USH2A: variants seen among roughly 807,000 people sequenced by gnomAD.
USH2A encodes Usher syndrome 2A (autosomal recessive, mild).
Under a neutral mutation model 538.9 loss-of-function variants are expected in USH2A, and 443 were observed. The ratio of observed to expected loss-of-function variants is 0.82; its 90% CI spans 0.76 to 0.89. The LOEUF (loss-of-function observed/expected upper bound fraction) is 0.89. USH2A is among the 40% of genes least tolerant of loss of function. The pLI, the probability that USH2A is intolerant of heterozygous loss-of-function variation, is 0.00. For synonymous variants in USH2A, 2,413 were observed against 2,273.5 expected (o/e 1.06, Z -1.75); for missense variants, 6,633 against 6,324.8 (o/e 1.05, Z -1.65).
At chr1:216,243,382 T>G (rs1404620002) in intron 13 of USH2A, among the ~76,000 whole-genome samples, 1 of 152,208 alleles carries the variant, frequency 6.6e-6, no homozygotes, top group Non-Finnish European at 1.5e-5. Context: ...CCAGCTAATT[T>G]TTTTAGGTGT....
At position 215,934,813 on chromosome 1, in the gene USH2A, T is replaced by C; in HGVS notation, c.7121-18A>G. ...ATTACCTACTGATTAAAAAAGAAAA[T>C]TATTAAAATAAATACATATTTAAGA... On this transcript the variant is annotated intron_variant, in intron 37 of 71. Transcript: ENST00000307340. 1 of 1,584,590 alleles carries C rather than the reference T, an allele frequency of 6.3e-7. No individual in the cohort carries two copies. Among genetic ancestry groups the C allele is most frequent in the Non-Finnish European group, 8.6e-7 (1 of 1,161,476 alleles).
intron 19 of USH2A, 131 bp from the exon 20 acceptor site, chr1:216,190,498 GTTTT>G (rs746805392): frequency 5.4e-6 from 5 of 934,278 alleles, no homozygotes; most frequent in Non-Finnish European, 7.7e-6. Flanking sequence ...TAGGAAAAGG[GTTTT>G]TTTTTTTTTT....
chr1:215,871,279 T>G (rs1664619550), intron 43 of USH2A, among the ~76,000 whole-genome samples: 1 of 152,220 alleles, frequency 6.6e-6, no homozygotes, highest in Non-Finnish European at 1.5e-5. Context: ...TGGAACAATA[T>G]TCATTTCAAG....
At chr1:215,672,915 G>T (rs1489976043) in intron 63 of USH2A, among the ~76,000 whole-genome samples, 1 of 152,114 alleles carries the variant, frequency 6.6e-6, no homozygotes, top group East Asian at 1.9e-4. Flanking sequence ...TTCCTTTCAT[G>T]CCTGGACAAA....
intron 3 of USH2A, among the ~76,000 whole-genome samples, chr1:216,402,171 C>A (rs1400636472): frequency 6.6e-6 from 1 of 152,024 alleles, no homozygotes; most frequent in Non-Finnish European, 1.5e-5. Flanking sequence ...TTAAAAAATC[C>A]TGAACAAATG....
At chr1:215,896,855 T>C (rs934925081) in intron 40 of USH2A, among the ~76,000 whole-genome samples, 1 of 152,202 alleles carries the variant, frequency 6.6e-6, no homozygotes, top group African/African-American at 2.4e-5. Flanking sequence ...AAAAATAATG[T>C]GTTGTTTGTA....
intron 60 of USH2A, among the ~76,000 whole-genome samples, chr1:215,732,660 G>T (rs1660038440): frequency 1.5e-5 from 2 of 135,952 alleles, no homozygotes; most frequent in Admixed American, 8.4e-5. Context: ...TCCTGCCTCA[G>T]CCTCCCGAGT....
intron 41 of USH2A, among the ~76,000 whole-genome samples, 164 bp downstream of exon 41, chr1:215,888,262 C>T (rs537890349): frequency 5.3e-5 from 8 of 152,296 alleles, no homozygotes; most frequent in Non-Finnish European, 8.8e-5. Flanking sequence ...AAACTGACAT[C>T]GAATTTAAGA....
chr1:216,294,717 T>C (rs2037070256), intron 9 of USH2A, among the ~76,000 whole-genome samples: 1 of 151,896 alleles, frequency 6.6e-6, no homozygotes, highest in African/African-American at 2.4e-5. Flanking sequence ...GAATGTCCAT[T>C]TTCTTGTGTT....
At chr1:215,917,478 A>G (rs1005515293) in intron 38 of USH2A, among the ~76,000 whole-genome samples, 2 of 152,004 alleles carry the variant, frequency 1.3e-5, no homozygotes, top group Non-Finnish European at 2.9e-5. Flanking sequence ...TTGCTCATTG[A>G]CTTCATTTAA....
intron 6 of USH2A, among the ~76,000 whole-genome samples, chr1:216,324,899 G>C (rs893571490): frequency 2.0e-5 from 3 of 152,134 alleles, no homozygotes; most frequent in Non-Finnish European, 4.4e-5. Flanking sequence ...GTCCAAACCT[G>C]TAAATGTGAC....
chr1:215,695,815 G>A (rs563222794), intron 61 of USH2A, among the ~76,000 whole-genome samples: 3 of 152,222 alleles, frequency 2.0e-5, no homozygotes, highest in Non-Finnish European at 4.4e-5. Context: ...ACAGTGGAAC[G>A]ATCTTGGCCA....
chr1:216,222,187 T>A (rs528609339), intron 14 of USH2A, among the ~76,000 whole-genome samples: 58 of 152,318 alleles, frequency 3.8e-4, no homozygotes, highest in Middle Eastern at 6.8e-3. Context: ...TGACAGTAAA[T>A]CTAGTTACAA....
At chr1:215,745,676 T>C (rs1372661186) in intron 58 of USH2A, among the ~76,000 whole-genome samples, 1 of 152,216 alleles carries the variant, frequency 6.6e-6, no homozygotes, top group Non-Finnish European at 1.5e-5. Context: ...GTTAAATAAC[T>C]TGTTCCAGAT....
rs199679165 is a variant in USH2A at position 216,097,196 on chromosome 1, G to A, written c.4645C>T (p.Arg1549Ter). 2.8e-5 allele frequency: 45 copies of A among 1,614,124 alleles called. No individual in the cohort carries two copies. The highest frequency in any genetic ancestry group is 3.3e-5 in the South Asian group (3 of 91,080). The change falls in exon 22 of 72, where the codon CGA becomes TGA. Residue 1549 changes from arginine (R) to a stop codon, truncating the protein, a stop_gained. Transcript: ENST00000307340. LOFTEE classifies it high-confidence loss of function. ...TDFTGIKASF[R>*]TKVPEGLIVF... The stretch of plus-strand genomic sequence containing the variant: ...ATCAAACCTTCAGGCACTTTTGTTC[G>A]AAAGCTGGCCTTAATGCCTGGTAAG...
At chr1:215,901,647 G>T (rs535544111) in intron 38 of USH2A, among the ~76,000 whole-genome samples, 2 of 152,088 alleles carry the variant, frequency 1.3e-5, no homozygotes, top group South Asian at 2.1e-4. Flanking sequence ...TACCTGCTTG[G>T]TACAATCTAC....
intron 40 of USH2A, among the ~76,000 whole-genome samples, chr1:215,896,524 A>G (rs192732635): frequency 7.2e-5 from 11 of 152,318 alleles, no homozygotes; most frequent in Admixed American, 4.6e-4. Flanking sequence ...AGGTTAATTC[A>G]TAGTTAACAC....
Position 215,934,641 on chromosome 1 carries a change from A to T in USH2A, c.7275T>A (p.Pro2425=), listed in dbSNP as rs1413376710. 11 of 1,612,290 alleles carry T rather than the reference A, an allele frequency of 6.8e-6. No homozygotes were observed. The Admixed American group carries it at 1.8e-4, about 27-fold the overall frequency. The change falls in exon 38 of 72, where the codon CCT becomes CCA. Residue 2425 remains proline, a synonymous_variant. Transcript: ENST00000307340. ...CTCCTGGAGGCATTGCAATTGTTAT[A>T]GGATCAGTTATCAAGCTGCCTTGGC... ...SNSQGSLITD[P]ITIAMPPGAP...
At chr1:216,227,934 C>T (rs906578759) in intron 14 of USH2A, among the ~76,000 whole-genome samples, 14 of 152,090 alleles carry the variant, frequency 9.2e-5, no homozygotes, top group African/African-American at 2.7e-4. Flanking sequence ...GCTGACCCCA[C>T]AGTACAGCAG....
Sources: gnomAD v4.1 joint callset for allele counts (sites outside exome capture counted in the v4.1 genomes callset) on GRCh38, gnomAD v4.1.1 for gene constraint, MANE v1.5 for transcripts, NCBI Gene and HGNC (gene_info 2026-07-23, HGNC 2026-07-21) for gene names.